The following RBFOX1 variants were observed in gnomAD, a reference collection of about 807,000 sequenced individuals.
RBFOX1 encodes the protein RNA binding protein fox-1 homolog 1.
A neutral mutation model predicts 57.7 loss-of-function variants in RBFOX1; 8 were observed. The ratio of observed to expected loss-of-function variants is 0.14; its 90% confidence interval spans 0.08 to 0.25. The LOEUF (loss-of-function observed/expected upper bound fraction) is 0.25, where lower values mean the gene tolerates loss of function less well. Ranked by LOEUF, RBFOX1 falls within the 10% of genes least tolerant of loss-of-function variation. The pLI is 1.00. For synonymous variants in RBFOX1, 326 were observed against 222.4 expected (o/e 1.47, Z -4.15); for missense variants, 611 against 548.5 (o/e 1.11, Z -1.14).
At chr16:6,709,376 G>A (rs1365787242) in intron 3 of RBFOX1, among the ~76,000 whole-genome samples, 1 of 152,138 alleles carries the variant, frequency 6.6e-6, no homozygotes, top group Non-Finnish European at 1.5e-5. Context: ...TTTCAAGCAT[G>A]CATCACTTGT....
At chr16:7,011,458 G>A (rs960549625) in intron 3 of RBFOX1, among the ~76,000 whole-genome samples, 3 of 145,192 alleles carry the variant, frequency 2.1e-5, no homozygotes, top group African/African-American at 7.3e-5. Context: ...TTGGATTTTT[G>A]TTTGTTTGTT....
intron 14 of RBFOX1, among the ~76,000 whole-genome samples, chr16:7,702,947 A>G (rs1425589865): frequency 1.3e-5 from 2 of 152,220 alleles, no homozygotes; most frequent in Non-Finnish European, 2.9e-5. Context: ...GGTGCAGGTT[A>G]CCTTCTGATG....
intron 3 of RBFOX1, among the ~76,000 whole-genome samples, chr16:5,710,977 C>G (rs994352030): frequency 6.6e-6 from 1 of 152,188 alleles, no homozygotes; most frequent in Non-Finnish European, 1.5e-5. Context: ...CAAAACCATC[C>G]TAGATCAGTT....
At chr16:5,573,534 C>T (rs1294869900) in intron 2 of RBFOX1, among the ~76,000 whole-genome samples, 1 of 152,194 alleles carries the variant, frequency 6.6e-6, no homozygotes, top group Admixed American at 6.5e-5. Flanking sequence ...AGAGGTTCAG[C>T]TCCACGGAAT....
intron 4 of RBFOX1, among the ~76,000 whole-genome samples, chr16:7,082,333 C>G (rs1239299148): frequency 6.6e-6 from 1 of 152,076 alleles, no homozygotes; most frequent in Non-Finnish European, 1.5e-5. Flanking sequence ...GTAATCCCAG[C>G]ACTTTGGGAG....
intron 2 of RBFOX1, among the ~76,000 whole-genome samples, chr16:6,468,657 T>C (rs910619271): frequency 1.3e-5 from 2 of 152,210 alleles, no homozygotes; most frequent in African/African-American, 4.8e-5. Flanking sequence ...AACCATTTTA[T>C]TTGTGTGTGA....
intron 3 of RBFOX1, among the ~76,000 whole-genome samples, chr16:5,630,004 C>G (rs1432221103): frequency 6.6e-6 from 1 of 152,196 alleles, no homozygotes; most frequent in African/African-American, 2.4e-5. Context: ...TAGGATCTCT[C>G]TATGTCCTGG....
chr16:6,393,843 G>A (rs936645162), intron 2 of RBFOX1, among the ~76,000 whole-genome samples: 3 of 152,080 alleles, frequency 2.0e-5, no homozygotes, highest in African/African-American at 4.8e-5. Context: ...AAGCAAAAGC[G>A]GGATCATTGT....
intron 1 of RBFOX1, among the ~76,000 whole-genome samples, chr16:6,050,326 T>C (rs1421873381): frequency 6.6e-6 from 1 of 152,194 alleles, no homozygotes; most frequent in African/African-American, 2.4e-5. Context: ...CATTTTTCTT[T>C]GTGGTGATTG....
chr16:5,774,204 G>C (rs945977139), intron 3 of RBFOX1, among the ~76,000 whole-genome samples: 1 of 152,196 alleles, frequency 6.6e-6, no homozygotes, highest in Admixed American at 6.5e-5. Context: ...CAGAATGGGG[G>C]ATTTGGGCAA....
intron 2 of RBFOX1, among the ~76,000 whole-genome samples, chr16:6,401,092 T>C (rs941368480): frequency 6.6e-6 from 1 of 152,102 alleles, no homozygotes; most frequent in East Asian, 1.9e-4. Context: ...CCAAAACTTA[T>C]TGGAGAAAGG....
At chr16:6,834,406 C>A (rs1166036792) in intron 3 of RBFOX1, among the ~76,000 whole-genome samples, 1 of 152,040 alleles carries the variant, frequency 6.6e-6, no homozygotes, top group Non-Finnish European at 1.5e-5. Context: ...AATAAGATCT[C>A]TTGGGCTATT....
intron 2 of RBFOX1, among the ~76,000 whole-genome samples, chr16:6,323,268 G>A (rs2082014471): frequency 6.6e-6 from 1 of 152,146 alleles, no homozygotes; most frequent in Non-Finnish European, 1.5e-5. Flanking sequence ...GAAGAGGGAA[G>A]CCCAGGCAGC....
chr16:7,022,022 C>CCTCCCGTTCCCA (rs2039389851), intron 3 of RBFOX1, among the ~76,000 whole-genome samples: 1 of 5,820 alleles, frequency 1.7e-4, no homozygotes, highest in Non-Finnish European at 2.9e-4. Flanking sequence ...TTCCCTTCCC[C>CCTCCCGTTCCCA]CTCCCCTTCC....
chr16:7,446,060 C>G (rs1250229587), intron 4 of RBFOX1, among the ~76,000 whole-genome samples: 1 of 152,192 alleles, frequency 6.6e-6, no homozygotes, highest in African/African-American at 2.4e-5. Flanking sequence ...TGCTCCCCTG[C>G]TACTCCATCT....
At chr16:5,250,383 C>T (rs35708633) in intron 1 of RBFOX1, among the ~76,000 whole-genome samples, 53,490 of 151,776 alleles carry the variant, frequency 0.35, 9,527 homozygotes, top group African/African-American at 0.39. Flanking sequence ...TTTTAAGCCC[C>T]GCATGCATTA....
chr16:5,305,829 G>C (rs577107653), intron 1 of RBFOX1, among the ~76,000 whole-genome samples: 46 of 152,152 alleles, frequency 3.0e-4, no homozygotes, highest in Non-Finnish European at 5.6e-4. Flanking sequence ...AGGCCTAGGT[G>C]GGGGGATTGC....
intron 4 of RBFOX1, among the ~76,000 whole-genome samples, chr16:7,368,265 GA>G (rs111544738): frequency 0.024 from 2,793 of 118,432 alleles, 65 homozygotes; most frequent in African/African-American, 0.071. Context: ...AGACTGTCTC[GA>G]AAAAAAAAAA....
At chr16:7,207,709 C>T (rs2090279228) in intron 4 of RBFOX1, among the ~76,000 whole-genome samples, 1 of 152,178 alleles carries the variant, frequency 6.6e-6, no homozygotes, top group Non-Finnish European at 1.5e-5. Flanking sequence ...TGTGGAGCTA[C>T]CTAGGGTTCT....
Sources: gnomAD v4.1 joint callset for allele counts (sites outside exome capture counted in the v4.1 genomes callset) on GRCh38, gnomAD v4.1.1 for gene constraint, MANE v1.5 for transcripts, NCBI Gene and HGNC (gene_info 2026-07-23, HGNC 2026-07-21) for gene names.